Variants in SLC9A9 observed in about 807,000 individuals in gnomAD.
SLC9A9 encodes the protein solute carrier family 9 member A9.
Under a neutral mutation model 77.8 loss-of-function variants are expected in SLC9A9, and 62 were observed. The ratio of observed to expected loss-of-function variants is 0.80; its 90% confidence interval spans 0.65 to 0.98. The LOEUF (loss-of-function observed/expected upper bound fraction) is 0.98. Ranked by LOEUF, SLC9A9 falls within the 50% of genes least tolerant of loss-of-function variation. The pLI, the probability that SLC9A9 is intolerant of heterozygous loss-of-function variation, is 0.00. For missense variants in SLC9A9, 775 were observed against 774.9 expected, an observed-to-expected ratio of 1.00 and a Z score of 0.00; for synonymous variants, 320 against 283.5, an observed-to-expected ratio of 1.13 and a Z score of -1.29.
At chr3:143,383,275 C>G (rs1234819624) in intron 12 of SLC9A9, among the ~76,000 whole-genome samples, 1 of 152,224 alleles carries the variant, frequency 6.6e-6, no homozygotes, top group Non-Finnish European at 1.5e-5. Flanking sequence ...TTAATTCAGC[C>G]TTGTGCATTA....
At chr3:143,270,382 C>A (rs1390141866) in intron 14 of SLC9A9, among the ~76,000 whole-genome samples, 1 of 152,136 alleles carries the variant, frequency 6.6e-6, no homozygotes, top group Non-Finnish European at 1.5e-5. Flanking sequence ...CCTCCAATAT[C>A]ACCCCTAGAA....
At chr3:143,736,197 G>T (rs939086088) in intron 4 of SLC9A9, among the ~76,000 whole-genome samples, 8 of 152,098 alleles carry the variant, frequency 5.3e-5, no homozygotes, top group African/African-American at 1.9e-4. Flanking sequence ...ACCTCCTCCT[G>T]ACACTAAATT....
chr3:143,445,737 A>G (rs565024517), intron 12 of SLC9A9, among the ~76,000 whole-genome samples: 1 of 152,348 alleles, frequency 6.6e-6, no homozygotes, highest in South Asian at 2.1e-4. Flanking sequence ...ACTGGCATAT[A>G]CACTAGCCAA....
chr3:143,352,935 T>A (rs1199601976), intron 14 of SLC9A9, among the ~76,000 whole-genome samples: 3 of 152,212 alleles, frequency 2.0e-5, no homozygotes, highest in African/African-American at 7.2e-5. Context: ...GTGCTTAAAG[T>A]GCTGCATTGG....
intron 5 of SLC9A9, among the ~76,000 whole-genome samples, chr3:143,688,240 T>C (rs775193690): frequency 2.0e-5 from 3 of 151,920 alleles, no homozygotes; most frequent in Non-Finnish European, 4.4e-5. Flanking sequence ...CATGAGCCAT[T>C]GTGCCCAGTC....
At chr3:143,503,478 C>G (rs1180760720) in intron 9 of SLC9A9, 3 of 381,628 alleles carry the variant, frequency 7.9e-6, no homozygotes, top group African/African-American at 4.2e-5. Flanking sequence ...GGGGACCCTC[C>G]AAAGCCTGCT....
chr3:143,841,887 C>A (rs552339761), intron 1 of SLC9A9, among the ~76,000 whole-genome samples: 3 of 151,868 alleles, frequency 2.0e-5, no homozygotes, highest in Non-Finnish European at 4.4e-5. Flanking sequence ...CCGAGTAGCT[C>A]GGATTACAGG....
At chr3:143,746,690 A>G (rs932007993) in intron 4 of SLC9A9, among the ~76,000 whole-genome samples, 2 of 152,146 alleles carry the variant, frequency 1.3e-5, no homozygotes, top group African/African-American at 2.4e-5. Context: ...AAAGTGCTCA[A>G]ATAATTTCTT....
chr3:143,617,994 G>C (rs552811838), intron 6 of SLC9A9, among the ~76,000 whole-genome samples: 38 of 152,264 alleles, frequency 2.5e-4, no homozygotes, highest in Middle Eastern at 6.8e-3. Flanking sequence ...CACTTAAGAG[G>C]CTTTTGAATA....
At chr3:143,333,382 A>G (rs1230166612) in intron 14 of SLC9A9, among the ~76,000 whole-genome samples, 1 of 152,136 alleles carries the variant, frequency 6.6e-6, no homozygotes, top group Non-Finnish European at 1.5e-5. Flanking sequence ...TTGTTTCAGA[A>G]CTAGTAAGCA....
chr3:143,468,892 T>C (rs2035329884), intron 11 of SLC9A9, among the ~76,000 whole-genome samples: 1 of 152,240 alleles, frequency 6.6e-6, no homozygotes, highest in Non-Finnish European at 1.5e-5. Flanking sequence ...CTGGGCATGG[T>C]GGTTCACGCC....
intron 12 of SLC9A9, among the ~76,000 whole-genome samples, chr3:143,388,354 T>C (rs1037680679): frequency 1.3e-5 from 2 of 152,226 alleles, no homozygotes; most frequent in African/African-American, 4.8e-5. Flanking sequence ...TCAGTTCATT[T>C]TGTTATTTAA....
chr3:143,706,573 C>G (rs139386075), intron 4 of SLC9A9, among the ~76,000 whole-genome samples: 2 of 152,206 alleles, frequency 1.3e-5, no homozygotes, highest in Non-Finnish European at 2.9e-5. Context: ...CCATTCAGCT[C>G]TGCTGTGGTG....
chr3:143,625,358 C>G (rs2038302434), intron 6 of SLC9A9, among the ~76,000 whole-genome samples: 1 of 152,180 alleles, frequency 6.6e-6, no homozygotes, highest in East Asian at 1.9e-4. Flanking sequence ...TACCTGACTT[C>G]AAACTATACT....
intron 9 of SLC9A9, chr3:143,517,445 T>A: frequency 6.3e-7 from 1 of 1,596,442 alleles, no homozygotes; most frequent in Non-Finnish European, 8.5e-7. Context: ...CTGGGCTCTC[T>A]CATGCTCCTC....
intron 3 of SLC9A9, among the ~76,000 whole-genome samples, chr3:143,796,012 A>T (rs1417568892): frequency 2.0e-5 from 3 of 152,184 alleles, no homozygotes; most frequent in Non-Finnish European, 2.9e-5. Context: ...ATGACTGCTC[A>T]AGAGGAAGAA....
At chr3:143,621,016 T>G (rs934015117) in intron 6 of SLC9A9, among the ~76,000 whole-genome samples, 1 of 152,156 alleles carries the variant, frequency 6.6e-6, no homozygotes, top group Non-Finnish European at 1.5e-5. Context: ...CCTCGCTCAT[T>G]GCTAGCACAG....
intron 4 of SLC9A9, among the ~76,000 whole-genome samples, chr3:143,697,013 G>A (rs943709749): frequency 9.2e-5 from 14 of 151,798 alleles, no homozygotes; most frequent in Admixed American, 7.9e-4. Context: ...TGTGAATTTA[G>A]ATCAAGATTC....
Position 143,693,234 on chromosome 3 carries a change from C to T in SLC9A9, c.607G>A (p.Asp203Asn). 6.2e-7 allele frequency: 1 copy of T among 1,613,282 alleles called. No individual in the cohort carries two copies. The highest frequency in any genetic ancestry group is 1.1e-5 in the South Asian group (1 of 91,052). The change falls in exon 5 of 16, where the codon GAC becomes AAC. Residue 203 changes from aspartate to asparagine, a missense_variant. Coordinates refer to ENST00000316549, the MANE Select transcript of SLC9A9 (RefSeq NM_173653.4). ...QLKNGDFHFTDCLFFGSLMSA... is the reference protein window; with the variant it reads ...QLKNGDFHFTNCLFFGSLMSA... ...ATCAGTGAACCAAAAAATAAACAGT[C>T]AGTGAAATGAAAGTCTCCATTTTTC...
Sources: allele counts gnomAD v4.1 joint callset (sites outside exome capture counted in the v4.1 genomes callset), GRCh38; gene constraint gnomAD v4.1.1; transcripts MANE v1.5; gene names NCBI Gene and HGNC (gene_info 2026-07-23, HGNC 2026-07-21).